MCF2L2: variants seen among roughly 807,000 people sequenced by gnomAD.
MCF2L2 encodes the protein MCF.2 cell line derived transforming sequence-like 2, also known as probable guanine nucleotide exchange factor MCF2L2.
A neutral mutation model predicts 150.2 loss-of-function variants in MCF2L2; 102 were observed. The observed-to-expected ratio is 0.68, with a 90% confidence interval of 0.58 to 0.80. The LOEUF (loss-of-function observed/expected upper bound fraction) is 0.80. Ranked by LOEUF, MCF2L2 falls within the 30% of genes least tolerant of loss-of-function variation. MCF2L2 has a pLI of 0.00. For missense variants in MCF2L2, 1,256 were observed against 1,372.8 expected, an observed-to-expected ratio of 0.91 and a Z score of 1.34; for synonymous variants, 465 against 491.3, an observed-to-expected ratio of 0.95 and a Z score of 0.71.
intron 17 of MCF2L2, among the ~76,000 whole-genome samples, chr3:183,228,583 G>A (rs1490764554): frequency 1.7e-4 from 26 of 152,044 alleles, no homozygotes; most frequent in Admixed American, 1.6e-3. Context: ...TAAGTTGTTC[G>A]ATCTGTTGCC....
chr3:183,344,153 A>G (rs1730812804), intron 3 of MCF2L2, among the ~76,000 whole-genome samples: 1 of 151,914 alleles, frequency 6.6e-6, no homozygotes, highest in Admixed American at 6.6e-5. Context: ...CCCCCAAAAA[A>G]AGTACTATTG....
intron 3 of MCF2L2, among the ~76,000 whole-genome samples, chr3:183,355,087 A>T: frequency 6.7e-6 from 1 of 150,230 alleles, no homozygotes; most frequent in East Asian, 1.9e-4. Flanking sequence ...ATTATTTATT[A>T]TTTATTTTAT....
intron 13 of MCF2L2, among the ~76,000 whole-genome samples, chr3:183,293,153 CA>C (rs548718940): frequency 9.2e-5 from 14 of 151,490 alleles, no homozygotes; most frequent in African/African-American, 2.9e-4. Context: ...GAATAGAAAA[CA>C]AAAAAAATAT....
At chr3:183,306,670 G>T (rs1729114841) in intron 10 of MCF2L2, among the ~76,000 whole-genome samples, 1 of 152,214 alleles carries the variant, frequency 6.6e-6, no homozygotes, top group Admixed American at 6.5e-5. Flanking sequence ...GAAAGCTAAT[G>T]GTTGTTGAAA....
chr3:183,325,679 T>C (rs1729995786), intron 5 of MCF2L2, among the ~76,000 whole-genome samples: 1 of 152,216 alleles, frequency 6.6e-6, no homozygotes, highest in African/African-American at 2.4e-5. Flanking sequence ...AACATTGTAT[T>C]AGGCAAAAGT....
chr3:183,381,457 C>T (rs1713519571), intron 2 of MCF2L2, among the ~76,000 whole-genome samples: 1 of 152,204 alleles, frequency 6.6e-6, no homozygotes, highest in African/African-American at 2.4e-5. Context: ...GACTCCAAGC[C>T]TGATAAGAAT....
intron 18 of MCF2L2, chr3:183,226,268 C>T (rs934394677): frequency 2.0e-5 from 3 of 152,172 alleles, no homozygotes; most frequent in Non-Finnish European, 4.4e-5. Flanking sequence ...CATGATGAAA[C>T]CTCGTCTCTA....
At chr3:183,423,632 GTTT>G (rs34400256) in intron 1 of MCF2L2, among the ~76,000 whole-genome samples, 14,964 of 92,300 alleles carry the variant, frequency 0.16, 1,056 homozygotes, top group Middle Eastern at 0.31. Flanking sequence ...AATTTTATTT[GTTT>G]TTTTTTTTTT....
At chr3:183,186,856 C>T (rs187345336) in intron 27 of MCF2L2, among the ~76,000 whole-genome samples, 222 of 152,306 alleles carry the variant, frequency 1.5e-3, no homozygotes, top group African/African-American at 5.2e-3. Flanking sequence ...CCACAACTGA[C>T]CAAATCATGC....
Position 183,179,186 on chromosome 3 carries a change from T to TC in MCF2L2, c.*193dup, listed in dbSNP as rs966654119. On this transcript the variant is annotated 3_prime_UTR_variant, in exon 30 of 30. Transcript: ENST00000328913. The surrounding 1 kb of genome is among the most constrained non-coding windows in gnomAD (Gnocchi z 4.2). The stretch of plus-strand genomic sequence containing the variant: ...CAGGCGCCTTAGAGCAGCTCCGAGG[T>TC]CCCCCGTGCGGAGCTAGGCGCGCAC... 14 of 670,890 alleles carry TC rather than the reference T, an allele frequency of 2.1e-5. No homozygotes were observed. In the African/African-American group the frequency reaches 2.3e-4, roughly 11 times the overall value. 41.6% of individuals were successfully genotyped at this position (670,890 alleles called of 1,614,324 possible). A position where few individuals can be genotyped will look rare whatever the true frequency, so the allele number is the denominator to read the frequency against.
intron 3 of MCF2L2, among the ~76,000 whole-genome samples, chr3:183,352,719 T>C (rs779975841): frequency 6.6e-6 from 1 of 152,198 alleles, no homozygotes; most frequent in African/African-American, 2.4e-5. Flanking sequence ...TGGCAGGGTA[T>C]ACCCCTCCTC....
chr3:183,238,858 G>A (rs756176453), intron 15 of MCF2L2, among the ~76,000 whole-genome samples: 9 of 151,444 alleles, frequency 5.9e-5, no homozygotes, highest in Admixed American at 1.3e-4. Flanking sequence ...TTAGCCAGGC[G>A]TGGTGGTGGG....
intron 27 of MCF2L2, among the ~76,000 whole-genome samples, chr3:183,186,406 A>G (rs1721695592): frequency 6.6e-6 from 1 of 152,152 alleles, no homozygotes; most frequent in African/African-American, 2.4e-5. Context: ...GACACCCACC[A>G]CCATGCCCAG....
At position 183,398,280 on chromosome 3, in the gene MCF2L2, A is replaced by C. The variant is rs77951402; in HGVS notation, c.77-8501T>G. Among the ~76,000 whole-genome samples the C allele has an allele frequency of 7.2e-3, 1,095 of 152,286 alleles. 10 individuals carry two copies. The highest frequency in any genetic ancestry group is 9.3e-3 in the Non-Finnish European group (636 of 68,028). On this transcript the variant is annotated intron_variant, in intron 1 of 29. Coordinates refer to ENST00000328913, the MANE Select transcript of MCF2L2 (RefSeq NM_015078.4). ...TACTTCTAAGCTAGGGTATTTAAAA[A>C]ACAAGTTTGCTTTCGCCACTCTCTC...
At chr3:183,340,804 G>A (rs1030281422) in intron 4 of MCF2L2, among the ~76,000 whole-genome samples, 2 of 152,074 alleles carry the variant, frequency 1.3e-5, no homozygotes, top group Non-Finnish European at 2.9e-5. Context: ...TTAGCCAAGC[G>A]TGGTGGTGCA....
intron 14 of MCF2L2, among the ~76,000 whole-genome samples, chr3:183,287,156 T>C (rs1727841289): frequency 6.6e-6 from 1 of 152,226 alleles, no homozygotes; most frequent in South Asian, 2.1e-4. Flanking sequence ...CTGTCTATGT[T>C]TCTCTTTTAC....
chr3:183,306,090 G>C (rs1286275388), intron 10 of MCF2L2, among the ~76,000 whole-genome samples: 1 of 152,192 alleles, frequency 6.6e-6, no homozygotes, highest in East Asian at 1.9e-4. Context: ...ATTCAGAAAG[G>C]CTACGAAACG....
chr3:183,180,130 C>A lies in MCF2L2; in HGVS notation c.3046G>T (p.Asp1016Tyr). 1 of 1,613,974 alleles carries A rather than the reference C, an allele frequency of 6.2e-7. No individual in the cohort carries two copies. ...GCSSREFSSM[D>Y]TFEDCEGAED... ...GCGCCTTCACAGTCTTCAAAGGTGT[C>A]CATGGAGCTAAACTCCCTGCTGGAG... Residue 1016 changes from aspartate to tyrosine, a missense_variant, in exon 28 of 30, where the codon GAC (aspartate) becomes TAC (tyrosine). Physicochemically the swap from Asp to Tyr is radical, Grantham distance 160. Coordinates refer to ENST00000328913, the MANE Select transcript of MCF2L2 (RefSeq NM_015078.4).
chr3:183,286,112 C>A (rs1356858056), intron 14 of MCF2L2, among the ~76,000 whole-genome samples: 1 of 152,178 alleles, frequency 6.6e-6, no homozygotes, highest in East Asian at 1.9e-4. Flanking sequence ...GCTTCTCAAG[C>A]TCCCCAGAAC....
Sources: allele counts gnomAD v4.1 joint callset (sites outside exome capture counted in the v4.1 genomes callset), GRCh38; gene constraint gnomAD v4.1.1; non-coding constraint Gnocchi (gnomAD v3.1); transcripts MANE v1.5; gene names NCBI Gene and HGNC (gene_info 2026-07-23, HGNC 2026-07-21).